ADGRD1: variants seen among roughly 807,000 people sequenced by gnomAD.
The protein encoded by ADGRD1 is G-protein coupled receptor 133.
Under a neutral mutation model 113.4 loss-of-function variants are expected in ADGRD1, and 77 were observed. That is an observed-to-expected ratio of 0.68 (90% CI 0.57 to 0.82). The LOEUF (loss-of-function observed/expected upper bound fraction) is 0.82, where lower values mean the gene tolerates loss of function less well. Among genes scored for constraint, ADGRD1 ranks in the 40% least tolerant of loss-of-function variants. The pLI is 0.00. For missense variants in ADGRD1, 1,036 were observed against 1,139.1 expected (o/e 0.91, Z 1.30); for synonymous variants, 474 against 475.0 (o/e 1.00, Z 0.03).
intron 2 of ADGRD1, among the ~76,000 whole-genome samples, chr12:130,958,687 G>A (rs367959788): frequency 4.6e-5 from 7 of 152,172 alleles, no homozygotes; most frequent in South Asian, 2.1e-4. Context: ...GCCCTGGCGC[G>A]TCTCCTCAGG....
At chr12:131,023,432 G>A (rs1046910804) in intron 13 of ADGRD1, 6 of 152,040 alleles carry the variant, frequency 3.9e-5, no homozygotes, top group African/African-American at 1.2e-4. Flanking sequence ...CCTGCACCCT[G>A]TTCCCACCCA....
intron 20 of ADGRD1, among the ~76,000 whole-genome samples, chr12:131,121,622 T>C (rs1950596754): frequency 6.6e-6 from 1 of 152,166 alleles, no homozygotes; most frequent in South Asian, 2.1e-4. Context: ...TCAGGTGATC[T>C]GCCCTCCTCT....
rs375066457 is a variant in ADGRD1, at chr12:131,130,610, G to A, written c.2176-1115G>A. Among the ~76,000 whole-genome samples, 13 of 152,372 alleles carry A rather than the reference G, an allele frequency of 8.5e-5. No homozygotes were observed. The East Asian group carries it at 2.1e-3, about 25-fold the overall frequency. On this transcript the variant is annotated intron_variant, in intron 20 of 24. Transcript: ENST00000261654. Reference sequence around the variant, plus strand: ...GGAAAAGTCCTGGGCACAGAAGGTGGCTTCAAGGCCCCTAGGGTGAGGCGG... The same window carrying A: ...GGAAAAGTCCTGGGCACAGAAGGTGACTTCAAGGCCCCTAGGGTGAGGCGG...
At chr12:130,998,852 T>C (rs938410193) in intron 8 of ADGRD1, among the ~76,000 whole-genome samples, 4 of 152,322 alleles carry the variant, frequency 2.6e-5, no homozygotes, top group African/African-American at 7.2e-5. Context: ...TTTCCTGTAC[T>C]GTACCGTGAG....
chr12:130,975,196 C>T (rs955268439), intron 4 of ADGRD1, among the ~76,000 whole-genome samples: 7 of 152,164 alleles, frequency 4.6e-5, no homozygotes, highest in Admixed American at 1.3e-4. Context: ...AGGCTCAGCT[C>T]AAGTGTAAAC....
In ADGRD1 at chr12:131,091,549, C is replaced by T. The variant is rs548422835; in HGVS notation, c.1671+6886C>T. On this transcript the variant is annotated intron_variant, in intron 15 of 24. Transcript: ENST00000261654. ...TTGTGTGAAAAGGACAAGACGTAGA[C>T]TAGAGTGATACATATCCCATTTTTG... 3.3e-3 allele frequency among the ~76,000 whole-genome samples: 499 copies of T among 152,352 alleles called. 3 individuals carry two copies. The highest frequency in any genetic ancestry group is 0.011 in the African/African-American group (478 of 41,586).
intron 13 of ADGRD1, among the ~76,000 whole-genome samples, chr12:131,045,835 C>T (rs932786794): frequency 6.6e-6 from 1 of 152,136 alleles, no homozygotes; most frequent in Non-Finnish European, 1.5e-5. Context: ...TGAGATGTGA[C>T]CAAGGTGATA....
intron 8 of ADGRD1, among the ~76,000 whole-genome samples, chr12:131,000,050 G>A (rs1218420490): frequency 1.3e-5 from 2 of 152,092 alleles, no homozygotes; most frequent in Admixed American, 6.5e-5. Flanking sequence ...TTTCCCACAC[G>A]TCTCTCCACT....
intron 13 of ADGRD1, among the ~76,000 whole-genome samples, chr12:131,037,947 TCACTCACTGCACCGGGCCC>T (rs1881705354): frequency 1.3e-5 from 2 of 149,100 alleles, no homozygotes; most frequent in South Asian, 2.1e-4. Flanking sequence ...GCATGGGGCC[TCACTCACTGCACCGGGCCC>T]CACTCACTGC....
chr12:130,986,362 TA>T (rs1873676543), intron 5 of ADGRD1, among the ~76,000 whole-genome samples: 3 of 152,190 alleles, frequency 2.0e-5, no homozygotes, highest in Non-Finnish European at 4.4e-5. Flanking sequence ...ATATAGCTTA[TA>T]AATGTATTGT....
intron 13 of ADGRD1, among the ~76,000 whole-genome samples, chr12:131,021,477 G>T (rs368596379): frequency 6.6e-6 from 1 of 152,132 alleles, no homozygotes; most frequent in East Asian, 1.9e-4. Flanking sequence ...TGACAAGAAC[G>T]CCAGGGAAGT....
intron 3 of ADGRD1, chr12:130,969,469 G>T (rs769881123): frequency 1.6e-4 from 31 of 193,008 alleles, no homozygotes; most frequent in Non-Finnish European, 3.0e-4. Flanking sequence ...TCTCTTGGGA[G>T]CACAAACCCT....
chr12:131,053,702 C>T (rs993539569), intron 13 of ADGRD1, among the ~76,000 whole-genome samples: 2 of 152,162 alleles, frequency 1.3e-5, no homozygotes, highest in African/African-American at 2.4e-5. Flanking sequence ...TAGTGTGCTG[C>T]GACAACCCCA....
chr12:131,086,516 A>C (rs1290563181), intron 15 of ADGRD1, among the ~76,000 whole-genome samples: 1 of 152,238 alleles, frequency 6.6e-6, no homozygotes, highest in Admixed American at 6.5e-5. Flanking sequence ...CAGAGGCCTG[A>C]TGGACCACAG....
chr12:130,981,987 C>T lies in ADGRD1; in HGVS notation c.414C>T (p.Ser138=). The T allele has an allele frequency of 6.2e-7, 1 of 1,614,018 alleles. No homozygotes were observed. The highest frequency in any genetic ancestry group is 8.5e-7 in the Non-Finnish European group (1 of 1,179,884). Residue 138 remains serine (S), a synonymous_variant, in exon 5 of 25, where the codon TCC becomes TCT. Transcript: ENST00000261654. ...TCTCCAATGGGTTCAAAGTCTGCTC[C>T]AGCGGTGGCAGAGGCTCTGTGGAGC... ...QVISNGFKVC[S]SGGRGSVELY...
intron 8 of ADGRD1, 118 bp from the exon 9 acceptor site, chr12:131,000,265 G>C (rs1381255629): frequency 1.3e-6 from 1 of 754,620 alleles, no homozygotes; most frequent in Non-Finnish European, 2.4e-6. Flanking sequence ...TGACTGCCGT[G>C]CATAAAACTG....
At chr12:131,126,327 A>G (rs1440591385) in intron 20 of ADGRD1, among the ~76,000 whole-genome samples, 4 of 152,110 alleles carry the variant, frequency 2.6e-5, no homozygotes, top group African/African-American at 9.7e-5. Context: ...GCTATGGGAC[A>G]GTGTAGCAAG....
intron 5 of ADGRD1, chr12:130,986,854 C>G (rs778562628): frequency 7.2e-5 from 36 of 501,944 alleles, no homozygotes; most frequent in Non-Finnish European, 1.2e-4. Flanking sequence ...GTTAAAATAA[C>G]AAGGAGTCTC....
In ADGRD1 at chr12:131,041,423, C is replaced by T. The variant is rs370642856; in HGVS notation, c.1473+27083C>T. Among the ~76,000 whole-genome samples the T allele has an allele frequency of 7.9e-5, 12 of 152,300 alleles. No homozygotes were observed. In the East Asian group the frequency reaches 2.1e-3, roughly 27 times the overall value. On this transcript the variant is annotated intron_variant, in intron 13 of 24. Coordinates refer to ENST00000261654, the MANE Select transcript of ADGRD1 (RefSeq NM_198827.5). The surrounding 1 kb of genome is among the most constrained non-coding windows in gnomAD (Gnocchi z 4.4). The stretch of plus-strand genomic sequence containing the variant: ...GGAAAGCCTCGATGGGGAGCTGACC[C>T]AGCCACCTGAAGCGGCTTTTGCCTC...
Sources: gnomAD v4.1 joint callset for allele counts (sites outside exome capture counted in the v4.1 genomes callset) on GRCh38, gnomAD v4.1.1 for gene constraint, Gnocchi (gnomAD v3.1) non-coding constraint, MANE v1.5 for transcripts, NCBI Gene and HGNC (gene_info 2026-07-23, HGNC 2026-07-21) for gene names.